The following MID1 variants were observed in gnomAD, a reference collection of about 807,000 sequenced individuals.
MID1 encodes midline 1.
A neutral mutation model predicts 40.4 loss-of-function variants in MID1; 7 were observed. The observed-to-expected ratio is 0.17, with a 90% confidence interval of 0.10 to 0.33. MID1 has a LOEUF of 0.33. Ranked by LOEUF, MID1 falls within the 10% of genes least tolerant of loss-of-function variation. The pLI is 1.00. For missense variants in MID1, 367 were observed against 558.5 expected (o/e 0.66, Z 3.46); for synonymous variants, 229 against 221.2 (o/e 1.04, Z -0.31).
chrX:10,635,550 T>C (rs1367353120), intron 1 of MID1, among the ~76,000 whole-genome samples: 3 of 112,035 alleles, frequency 2.7e-5, no homozygotes, highest in African/African-American at 9.7e-5. Flanking sequence ...GCATGTTTTC[T>C]ATATGCCTTC....
At chrX:10,743,359 G>T (rs767711169) in intron 1 of MID1, among the ~76,000 whole-genome samples, 3 of 112,371 alleles carry the variant, frequency 2.7e-5, no homozygotes, top group Non-Finnish European at 5.6e-5. Context: ...AGATAAATAC[G>T]AAACGGCGGC....
At chrX:10,560,819 C>G (rs761810035) in intron 2 of MID1, among the ~76,000 whole-genome samples, 1 of 107,317 alleles carries the variant, frequency 9.3e-6, no homozygotes, top group East Asian at 2.8e-4. Context: ...AGATTCAATG[C>G]TATCCCCATC....
chrX:10,644,093 G>A (rs1270697971), intron 1 of MID1, among the ~76,000 whole-genome samples: 3 of 110,929 alleles, frequency 2.7e-5, no homozygotes, highest in East Asian at 5.7e-4. Flanking sequence ...AACCTGGCAC[G>A]TGTATACATA....
Position 10,455,006 on chromosome X carries a change from C to T in MID1, c.1519G>A (p.Glu507Lys). Reference sequence around the variant, plus strand: ...TTCTTGGATGATGACTCATCACGTTCTACTGTCAAGTTATCATGGGACACC... The same window carrying T: ...TTCTTGGATGATGACTCATCACGTTTTACTGTCAAGTTATCATGGGACACC... ...LKVSHDNLTV[E>K]RDESSSKKSH... Residue 507 changes from glutamate to lysine, a missense_variant, in exon 9 of 10, where the codon GAA becomes AAA. Physicochemically the swap from Glu to Lys is moderately conservative, Grantham distance 56. Coordinates refer to ENST00000317552, the MANE Select transcript of MID1 (RefSeq NM_000381.4). 1 of 1,210,895 alleles carries T rather than the reference C, an allele frequency of 8.3e-7. No homozygotes were observed. Among genetic ancestry groups the T allele is most frequent in the Non-Finnish European group, 1.1e-6 (1 of 894,678 alleles).
intron 1 of MID1, among the ~76,000 whole-genome samples, chrX:10,768,306 T>TA (rs1043645619): frequency 1.9e-4 from 21 of 109,123 alleles, no homozygotes; most frequent in South Asian, 3.9e-4. Flanking sequence ...CCTTTCTAAA[T>TA]AAAAAAAAAG....
intron 1 of MID1, among the ~76,000 whole-genome samples, chrX:10,591,406 A>G (rs1935296144): frequency 1.8e-5 from 2 of 112,488 alleles, no homozygotes; most frequent in Admixed American, 1.9e-4. Flanking sequence ...GTCTAAATCT[A>G]TTCTTTCCAT....
At chrX:10,605,419 G>A (rs1370859149) in intron 1 of MID1, among the ~76,000 whole-genome samples, 1 of 111,656 alleles carries the variant, frequency 9.0e-6, no homozygotes, top group Non-Finnish European at 1.9e-5. Flanking sequence ...ACTTTCTGGA[G>A]GAACATAAAC....
intron 1 of MID1, among the ~76,000 whole-genome samples, chrX:10,581,568 C>G (rs769579715): frequency 7.2e-5 from 8 of 111,717 alleles, no homozygotes; most frequent in Non-Finnish European, 1.1e-4. Context: ...CCCTTCTTGT[C>G]CTGAATCGCC....
chrX:10,599,003 C>T (rs1935466772), intron 1 of MID1, among the ~76,000 whole-genome samples: 1 of 112,010 alleles, frequency 8.9e-6, no homozygotes, highest in African/African-American at 3.2e-5. Context: ...GGGATCCTGG[C>T]AATGTCTGTC....
At position 10,523,193 on chromosome X, in the gene MID1, C is replaced by CAAAAA; in HGVS notation, c.661-11_661-7dup. ...AGGTTACTCTCTAAGTTTTGCTGTT[C>CAAAAA]AAAAAAAAAAAAAAAAGAGGAAAAA... is the stretch of plus-strand genomic sequence containing the variant. On this transcript the variant is annotated splice_region_variant and splice_polypyrimidine_tract_variant and intron_variant, in intron 2 of 9. Coordinates refer to ENST00000317552, the MANE Select transcript of MID1 (RefSeq NM_000381.4). 2.5e-6 allele frequency: 2 copies of CAAAAA among 785,034 alleles called. No homozygotes were observed. Among genetic ancestry groups the CAAAAA allele is most frequent in the African/African-American group, 6.1e-5 (2 of 32,906 alleles). The allele number at this position is 785,034 out of a possible 1,213,427, so 64.7% of individuals were successfully genotyped here.
At chrX:10,774,995 T>C (rs2043792900) in intron 1 of MID1, among the ~76,000 whole-genome samples, 1 of 110,466 alleles carries the variant, frequency 9.1e-6, no homozygotes, top group African/African-American at 3.3e-5. Flanking sequence ...TAGAATGCTT[T>C]GTTTTGTAAT....
intron 2 of MID1, among the ~76,000 whole-genome samples, chrX:10,526,249 G>A (rs781224401): frequency 8.1e-5 from 9 of 110,887 alleles, no homozygotes; most frequent in Non-Finnish European, 1.7e-4. Flanking sequence ...AGTGATTTAT[G>A]TACAACTTGA....
At chrX:10,500,190 A>C (rs1602310236) in intron 3 of MID1, among the ~76,000 whole-genome samples, 1 of 112,073 alleles carries the variant, frequency 8.9e-6, no homozygotes, top group South Asian at 3.7e-4. Flanking sequence ...TATGGGGCTC[A>C]ATTTAATCCA....
intron 2 of MID1, among the ~76,000 whole-genome samples, chrX:10,553,018 C>T (rs1220842186): frequency 2.4e-4 from 27 of 111,130 alleles, no homozygotes; most frequent in Admixed American, 2.4e-3. Context: ...GAGGCCTAGG[C>T]GGGCAGATCA....
intron 2 of MID1, among the ~76,000 whole-genome samples, chrX:10,557,947 T>G (rs776451810): frequency 9.0e-6 from 1 of 111,159 alleles, no homozygotes; most frequent in African/African-American, 3.3e-5. Flanking sequence ...CCACAAAATC[T>G]AAAGTAATGT....
intron 1 of MID1, among the ~76,000 whole-genome samples, chrX:10,731,980 A>T (rs1270533641): frequency 1.9e-5 from 2 of 107,648 alleles, no homozygotes; most frequent in African/African-American, 3.4e-5. Flanking sequence ...AAAAAAAAAA[A>T]AAAAAAAAAA....
intron 1 of MID1, among the ~76,000 whole-genome samples, chrX:10,601,912 T>C (rs1212265993): frequency 1.9e-5 from 2 of 108,024 alleles, no homozygotes; most frequent in African/African-American, 6.8e-5. Context: ...TTTTTTTTTT[T>C]TTGAGACAGA....
At chrX:10,528,817 G>T (rs890345899) in intron 2 of MID1, among the ~76,000 whole-genome samples, 3 of 112,379 alleles carry the variant, frequency 2.7e-5, no homozygotes, top group South Asian at 7.4e-4. Flanking sequence ...TTCTGTACAA[G>T]ATGCTAAGAG....
chrX:10,742,268 A>G (rs2043527833), intron 1 of MID1, among the ~76,000 whole-genome samples: 1 of 112,071 alleles, frequency 8.9e-6, no homozygotes, highest in African/African-American at 3.2e-5. Flanking sequence ...TGCTAAAGTA[A>G]TGATTTCACA....
Sources: gnomAD v4.1 joint callset for allele counts (sites outside exome capture counted in the v4.1 genomes callset) on GRCh38, gnomAD v4.1.1 for gene constraint, MANE v1.5 for transcripts, NCBI Gene and HGNC (gene_info 2026-07-23, HGNC 2026-07-21) for gene names.